Variants in OPA1 observed in about 807,000 individuals in gnomAD.
The protein encoded by OPA1 is OPA1 mitochondrial dynamin like GTPase, also known as dynamin-like GTPase OPA1, mitochondrial.
OPA1 carries 59 observed loss-of-function variants against 152.9 expected under a neutral mutation model. The ratio of observed to expected loss-of-function variants is 0.39; its 90% CI spans 0.31 to 0.48. The LOEUF (loss-of-function observed/expected upper bound fraction) is 0.48, where lower values mean the gene tolerates loss of function less well. Among genes scored for constraint, OPA1 ranks in the 20% least tolerant of loss-of-function variants. The pLI, the probability that OPA1 is intolerant of heterozygous loss-of-function variation, is 0.96. For synonymous variants in OPA1, 400 were observed against 389.9 expected (o/e 1.03, Z -0.31); for missense variants, 1,008 against 1,216.8 (o/e 0.83, Z 2.55).
At position 193,614,768 on chromosome 3, in the gene OPA1, A is replaced by T; in HGVS notation, c.78A>T (p.Gly26=). 2 of 1,614,132 alleles carry T rather than the reference A, an allele frequency of 1.2e-6. No individual in the cohort carries two copies. The highest frequency in any genetic ancestry group is 8.5e-7 in the Non-Finnish European group (1 of 1,179,968). The part of the protein sequence containing the change: ...SLVKHSSGIK[G]SLPLQKLHLV... ...TGAAACACAGCTCTGGAATAAAAGG[A>T]AGTTTACCACTACAAAAACTACATC... The change falls in exon 2 of 31, where the codon GGA becomes GGT. Residue 26 remains glycine, a synonymous_variant. Coordinates refer to ENST00000361510, the MANE Select transcript of OPA1 (RefSeq NM_130837.3).
intron 21 of OPA1, among the ~76,000 whole-genome samples, chr3:193,653,478 T>G (rs111459251): frequency 8.1e-5 from 12 of 148,114 alleles, no homozygotes; most frequent in East Asian, 3.9e-4. Flanking sequence ...ATAAGCAGAG[T>G]TTTTTTTTTA....
chr3:193,694,074 T>A (rs1355267338), intron 30 of OPA1, among the ~76,000 whole-genome samples: 3 of 152,212 alleles, frequency 2.0e-5, no homozygotes, highest in Non-Finnish European at 4.4e-5. Flanking sequence ...CAGTGTGACA[T>A]CCAGAGTTGC....
intron 26 of OPA1, among the ~76,000 whole-genome samples, chr3:193,663,630 A>T (rs867096301): frequency 6.6e-6 from 1 of 152,144 alleles, no homozygotes; most frequent in East Asian, 1.9e-4. Context: ...TTAAGTGAAC[A>T]CAATTAGAAA....
intron 19 of OPA1, 73 bp from the exon 20 acceptor site, chr3:193,647,997 A>G: frequency 9.3e-7 from 1 of 1,074,174 alleles, no homozygotes; most frequent in Non-Finnish European, 1.4e-6. Flanking sequence ...GAGGATATGT[A>G]TTTTAACCAC....
intron 8 of OPA1, among the ~76,000 whole-genome samples, chr3:193,633,086 T>A (rs189078934): frequency 1.5e-5 from 2 of 129,264 alleles, no homozygotes; most frequent in East Asian, 2.1e-4. Context: ...TAGACTCACC[T>A]GTGCTCTGAG....
intron 29 of OPA1, among the ~76,000 whole-genome samples, chr3:193,671,535 T>A (rs10937597): frequency 0.5 from 75,304 of 152,030 alleles, 19,080 homozygotes; most frequent in African/African-American, 0.57. Context: ...CAGTTAGTGA[T>A]ATTTGAAGGG....
At chr3:193,662,428 T>G (rs1448588391) in intron 25 of OPA1, among the ~76,000 whole-genome samples, 1 of 152,176 alleles carries the variant, frequency 6.6e-6, no homozygotes, top group Non-Finnish European at 1.5e-5. Context: ...TATGAAGCAT[T>G]TTAGAACATC....
intron 29 of OPA1, chr3:193,668,770 A>C: frequency 2.4e-6 from 3 of 1,225,452 alleles, no homozygotes; most frequent in Non-Finnish European, 2.1e-6. Flanking sequence ...CCCTACTAAT[A>C]ATCACTTTGT....
At chr3:193,656,878 A>G (rs1044626447) in intron 22 of OPA1, among the ~76,000 whole-genome samples, 1 of 152,176 alleles carries the variant, frequency 6.6e-6, no homozygotes, top group African/African-American at 2.4e-5. Context: ...CATACCAGGA[A>G]GCCATATCTG....
rs180740754 is a variant in OPA1 at position 193,623,856 on chromosome 3, G to A, written c.679-2236G>A. 1.7e-3 allele frequency among the ~76,000 whole-genome samples: 259 copies of A among 152,142 alleles called. 1 individual carries two copies. The highest frequency in any genetic ancestry group is 5.3e-3 in the African/African-American group (220 of 41,506). ...TGTGTGGCCATCACTTGGTATTTAGGGTAAGACTGGTGCACAAAATCAAAG... is the reference window on the plus strand; with the variant it reads ...TGTGTGGCCATCACTTGGTATTTAGAGTAAGACTGGTGCACAAAATCAAAG... On this transcript the variant is annotated intron_variant, in intron 6 of 30. Transcript: ENST00000361510.
intron 26 of OPA1, 143 bp downstream of exon 26, chr3:193,663,105 T>C: frequency 1.3e-6 from 1 of 753,846 alleles, no homozygotes. Context: ...AAAAGCTTAG[T>C]CATTTTGATT....
At chr3:193,608,906 A>G (rs969178779) in intron 1 of OPA1, among the ~76,000 whole-genome samples, 1 of 152,070 alleles carries the variant, frequency 6.6e-6, no homozygotes. Flanking sequence ...TTGCATATAT[A>G]TTTAGGATAG....
chr3:193,650,930 C>T (rs552882211), intron 21 of OPA1, among the ~76,000 whole-genome samples: 1 of 152,108 alleles, frequency 6.6e-6, no homozygotes, highest in South Asian at 2.1e-4. Context: ...TAGAAATTCT[C>T]GGACTTCAGA....
Position 193,593,266 on chromosome 3 carries a change from T to A in OPA1, c.-112T>A. 1 of 1,138,190 alleles carries A rather than the reference T, an allele frequency of 8.8e-7. No homozygotes were observed. The highest frequency in any genetic ancestry group is 1.2e-6 in the Non-Finnish European group (1 of 827,516). The allele number at this position is 1,138,190 out of a possible 1,614,324, so 70.5% of individuals were successfully genotyped here. A position where few individuals can be genotyped will look rare whatever the true frequency, so the allele number is the denominator to read the frequency against. On this transcript the variant is annotated 5_prime_UTR_variant, in exon 1 of 31. An upstream open reading frame in the 5' UTR gains an earlier in-frame stop. Coordinates refer to ENST00000361510, the MANE Select transcript of OPA1 (RefSeq NM_130837.3). ...GGCCTCGGCCGCGGCTCTGTGCCCTTGCTGCTGAGGGCCACTTCCTGGGTC... is the reference window on the plus strand; with the variant it reads ...GGCCTCGGCCGCGGCTCTGTGCCCTAGCTGCTGAGGGCCACTTCCTGGGTC...
At chr3:193,672,245 AT>A (rs1353001568) in intron 29 of OPA1, among the ~76,000 whole-genome samples, 1 of 152,214 alleles carries the variant, frequency 6.6e-6, no homozygotes, top group Non-Finnish European at 1.5e-5. Flanking sequence ...CATAAAATCT[AT>A]CTTATGATTG....
chr3:193,670,456 G>A (rs933919487), intron 29 of OPA1, among the ~76,000 whole-genome samples: 1 of 151,134 alleles, frequency 6.6e-6, no homozygotes, highest in African/African-American at 2.4e-5. Flanking sequence ...CACGATCTCG[G>A]CTCACTGCAA....
intron 29 of OPA1, among the ~76,000 whole-genome samples, chr3:193,690,157 A>G (rs1721469622): frequency 6.6e-6 from 1 of 151,730 alleles, no homozygotes; most frequent in African/African-American, 2.4e-5. Context: ...CCTACCAAAA[A>G]ATTGAGACTC....
chr3:193,690,351 A>G (rs1577407485), intron 29 of OPA1, among the ~76,000 whole-genome samples: 2 of 118,322 alleles, frequency 1.7e-5, no homozygotes, highest in African/African-American at 6.5e-5. Flanking sequence ...ATCAGTCTGA[A>G]TCTAATGCCT....
At chr3:193,660,489 A>G (rs1257550558) in intron 25 of OPA1, among the ~76,000 whole-genome samples, 1 of 152,228 alleles carries the variant, frequency 6.6e-6, no homozygotes, top group East Asian at 1.9e-4. Context: ...TAGAGGAGAC[A>G]AAGGGAATAA....
Sources: allele counts gnomAD v4.1 joint callset (sites outside exome capture counted in the v4.1 genomes callset), GRCh38; gene constraint gnomAD v4.1.1; transcripts MANE v1.5; gene names NCBI Gene and HGNC (gene_info 2026-07-23, HGNC 2026-07-21).